GPR157: variants seen among roughly 807,000 people sequenced by gnomAD.
GPR157 encodes G-protein coupled receptor 157.
GPR157 carries 16 observed loss-of-function variants against 23.5 expected under a neutral mutation model. The observed-to-expected ratio is 0.68, with a 90% CI of 0.46 to 1.04. The LOEUF (loss-of-function observed/expected upper bound fraction) is 1.04. Ranked by LOEUF, GPR157 falls within the 50% of genes least tolerant of loss-of-function variation. The pLI is 0.00. For missense variants in GPR157, 440 were observed against 460.7 expected (o/e 0.96, Z 0.41); for synonymous variants, 200 against 221.5 (o/e 0.90, Z 0.86).
rs200875977 is a variant in GPR157 at position 9,105,675 on chromosome 1, C to T, written c.603G>A (p.Thr201=). The T allele has an allele frequency of 2.1e-5, 34 of 1,606,948 alleles. No individual in the cohort carries two copies. In the African/African-American group the frequency reaches 2.3e-4, roughly 11 times the overall value. Residue 201 remains threonine, a synonymous_variant, in exon 3 of 4, where the codon ACG becomes ACA. Transcript: ENST00000377411. The surrounding 1 kb of genome is among the most constrained non-coding windows in gnomAD (Gnocchi z 4.8). ...LVRKHINRAH[T]ALSEYRPILS... is the part of the protein sequence containing the mutation. ...GGATGGGCCGGTACTCAGAGAGTGC[C>T]GTGTGCTGTGTGGGGACAGCGAGGG...
intron 2 of GPR157, among the ~76,000 whole-genome samples, chr1:9,110,764 C>T (rs1370679072): frequency 2.6e-5 from 4 of 152,174 alleles, no homozygotes; most frequent in Non-Finnish European, 5.9e-5. Context: ...ATTCTGGAAA[C>T]CCCTGCCATT....
rs1013710343 is a variant in GPR157 at position 9,120,606 on chromosome 1, G to C, written c.383+8039C>G. Among the ~76,000 whole-genome samples, 5 of 152,200 alleles carry C rather than the reference G, an allele frequency of 3.3e-5. No individual in the cohort carries two copies. Among genetic ancestry groups the C allele is most frequent in the Admixed American group, 6.5e-5 (1 of 15,278 alleles). On this transcript the variant is annotated intron_variant, in intron 1 of 3. Transcript: ENST00000377411. The surrounding 1 kb of genome is among the most constrained non-coding windows in gnomAD (Gnocchi z 4.1). Reference sequence around the variant, plus strand: ...GGTCAGGACTTGGGAGAAGTTCAGGGAGTCAGCCCCTAGGCCAGGCTACCA... The same window carrying C: ...GGTCAGGACTTGGGAGAAGTTCAGGCAGTCAGCCCCTAGGCCAGGCTACCA...
chr1:9,108,185 T>C (rs1472717206), intron 2 of GPR157, among the ~76,000 whole-genome samples: 2 of 152,136 alleles, frequency 1.3e-5, no homozygotes, highest in East Asian at 3.8e-4. Context: ...GCACCTGGTG[T>C]CTTGTGGAGT....
At chr1:9,127,365 G>A (rs1569983665) in intron 1 of GPR157, among the ~76,000 whole-genome samples, 1 of 152,238 alleles carries the variant, frequency 6.6e-6, no homozygotes, top group South Asian at 2.1e-4. Context: ...GACAAGAAGG[G>A]AAAGAGAACA....
intron 1 of GPR157, among the ~76,000 whole-genome samples, chr1:9,111,940 C>G (rs1812368): frequency 6.6e-6 from 1 of 151,990 alleles, no homozygotes; most frequent in Admixed American, 6.6e-5. Context: ...ATTGCGTTCC[C>G]GCCTGGGTGA....
intron 1 of GPR157, among the ~76,000 whole-genome samples, chr1:9,113,311 C>G (rs992813287): frequency 6.6e-6 from 1 of 152,202 alleles, no homozygotes; most frequent in Non-Finnish European, 1.5e-5. Flanking sequence ...ACTATGATAA[C>G]TGTGAGATCA....
At chr1:9,117,827 G>T (rs1446531374) in intron 1 of GPR157, among the ~76,000 whole-genome samples, 1 of 152,056 alleles carries the variant, frequency 6.6e-6, no homozygotes, top group Non-Finnish European at 1.5e-5. Context: ...CCACAGTTCT[G>T]ACATGTAACA....
chr1:9,105,432 G>A lies in GPR157; in HGVS notation c.792+54C>T. 6.9e-7 allele frequency: 1 copy of A among 1,458,944 alleles called. No homozygotes were observed. The highest frequency in any genetic ancestry group is 9.2e-7 in the Non-Finnish European group (1 of 1,083,280). 90.4% of individuals were successfully genotyped at this position (1,458,944 alleles called of 1,614,324 possible). On this transcript the variant is annotated intron_variant, in intron 3 of 3. Transcript: ENST00000377411. This position sits in a 1 kb window ranked among gnomAD's most constrained non-coding sequence, Gnocchi z 4.8. ...GCCACTGTGCTGCGGGAAGGAATCA[G>A]GCTGTGCCTCCTCTGGGGGCAGGGA...
chr1:9,115,855 A>G (rs1440306454), intron 1 of GPR157, among the ~76,000 whole-genome samples: 1 of 150,076 alleles, frequency 6.7e-6, no homozygotes, highest in Non-Finnish European at 1.5e-5. Context: ...TTTTAGATAA[A>G]GTTTTATTGC....
intron 1 of GPR157, among the ~76,000 whole-genome samples, chr1:9,124,898 G>C (rs899447744): frequency 6.6e-6 from 1 of 152,082 alleles, no homozygotes; most frequent in Admixed American, 6.5e-5. Flanking sequence ...CCATGTGACC[G>C]TCTCACCTCA....
intron 1 of GPR157, among the ~76,000 whole-genome samples, chr1:9,121,548 G>A (rs1638798536): frequency 6.6e-6 from 1 of 151,908 alleles, no homozygotes; most frequent in Non-Finnish European, 1.5e-5. Context: ...GCTGAGGCAG[G>A]AGAATGGCTT....
At position 9,123,653 on chromosome 1, in the gene GPR157, TATATTAAATATATATTTA is replaced by T. The variant is rs1259536901; in HGVS notation, c.383+4974_383+4991del. 5.5e-4 allele frequency among the ~76,000 whole-genome samples: 63 copies of T among 115,108 alleles called. 1 individual carries two copies. Among genetic ancestry groups the T allele is most frequent in the African/African-American group, 1.7e-3 (50 of 28,620 alleles). 75.5% of individuals were successfully genotyped at this position (115,108 alleles called of 152,430 possible). A position where few individuals can be genotyped will look rare whatever the true frequency, so the allele number is the denominator to read the frequency against. ...TTTAAATATACATTAATATTAAATA[TATATTAAATATATATTTA>T]ATATTAAATATATATTTAATATATA... On this transcript the variant is annotated intron_variant, in intron 1 of 3. Transcript: ENST00000377411.
In GPR157 at chr1:9,104,420, C is replaced by G. The variant is rs1642609096; in HGVS notation, c.1007G>C (p.Ter336SerextTer58). Residue 336 changes from the stop codon to serine, a stop_lost, in exon 4 of 4, where the codon TGA (stop) becomes TCA (serine). Coordinates refer to ENST00000377411, the MANE Select transcript of GPR157 (RefSeq NM_024980.5). ...QGTPGELPST[*>S] ...CACAGAACTAGAAAGGACAAAAGCTCAGGTGCTTGGAAGTTCCCCTGGGGT... is the reference window on the plus strand; with the variant it reads ...CACAGAACTAGAAAGGACAAAAGCTGAGGTGCTTGGAAGTTCCCCTGGGGT... 1 of 1,613,024 alleles carries G rather than the reference C, an allele frequency of 6.2e-7. No individual in the cohort carries two copies. Among genetic ancestry groups the G allele is most frequent in the Admixed American group, 1.7e-5 (1 of 59,996 alleles).
At chr1:9,126,125 T>G (rs1366710849) in intron 1 of GPR157, among the ~76,000 whole-genome samples, 1 of 152,114 alleles carries the variant, frequency 6.6e-6, no homozygotes, top group East Asian at 1.9e-4. Context: ...ACCCAGCTAA[T>G]TTTTGTAATT....
chr1:9,104,478 A>C lies in GPR157; in HGVS notation c.949T>G (p.Ser317Ala). 6.2e-7 allele frequency: 1 copy of C among 1,613,536 alleles called. No individual in the cohort carries two copies. Among genetic ancestry groups the C allele is most frequent in the East Asian group, 2.2e-5 (1 of 44,838 alleles). The change falls in exon 4 of 4, where the codon TCC (serine) becomes GCC (alanine). Residue 317 changes from serine (S) to alanine (A), a missense_variant. Coordinates refer to ENST00000377411, the MANE Select transcript of GPR157 (RefSeq NM_024980.5). ...PAGTPKAPAPSKPGESQESQG... is the reference protein window; with the variant it reads ...PAGTPKAPAPAKPGESQESQG... ...GATTCCTGAGATTCTCCTGGCTTGGAAGGCGCGGGAGCCTTGGGAGTGCCA... is the reference window on the plus strand; with the variant it reads ...GATTCCTGAGATTCTCCTGGCTTGGCAGGCGCGGGAGCCTTGGGAGTGCCA...
rs572301236 is a variant in GPR157, at chr1:9,105,282, C to T, written c.792+204G>A. On this transcript the variant is annotated intron_variant, in intron 3 of 3. Transcript: ENST00000377411. The surrounding 1 kb of genome is among the most constrained non-coding windows in gnomAD (Gnocchi z 4.8). ...AGGTCACTGGTGAGCACCTCACCAC[C>T]CCGGACCACACTGATCCCACTCTGC... 4.1e-4 allele frequency among the ~76,000 whole-genome samples: 62 copies of T among 152,236 alleles called. No homozygotes were observed. Among genetic ancestry groups the T allele is most frequent in the African/African-American group, 1.5e-3 (62 of 41,544 alleles).
rs369233870 is a variant in GPR157 at position 9,123,299 on chromosome 1, TTTA to T, written c.383+5343_383+5345del. On this transcript the variant is annotated intron_variant, in intron 1 of 3. Transcript: ENST00000377411. ...AAATATATATTTAAATTAATATATA[TTTA>T]ATTTAAATATATATTAAAATATATA... is the stretch of plus-strand genomic sequence containing the variant. Among the ~76,000 whole-genome samples, 17 of 45,802 alleles carry T rather than the reference TTTA, an allele frequency of 3.7e-4. 1 individual carries two copies. The highest frequency in any genetic ancestry group is 3.2e-4 in the Admixed American group (1 of 3,104). 30.0% of individuals were successfully genotyped at this position (45,802 alleles called of 152,430 possible).
chr1:9,116,281 A>ATAATTTATATATATTATATATAATAT (rs373818819), intron 1 of GPR157, among the ~76,000 whole-genome samples: 6 of 3,112 alleles, frequency 1.9e-3, no homozygotes, highest in African/African-American at 2.8e-3. Context: ...AATTATATAT[A>ATAATTTATATATATTATATATAATAT]AATTATATAT....
chr1:9,123,254 A>ATT lies in GPR157; in HGVS notation c.383+5390_383+5391insAA, dbSNP rs1638848800. ...TTTAAATATATATTAATTTAAATAT[A>ATT]TATTTAAATATATATATTTAAATAT... is the stretch of plus-strand genomic sequence containing the variant. On this transcript the variant is annotated intron_variant, in intron 1 of 3. Coordinates refer to ENST00000377411, the MANE Select transcript of GPR157 (RefSeq NM_024980.5). Among the ~76,000 whole-genome samples, 5 of 26,962 alleles carry ATT rather than the reference A, an allele frequency of 1.9e-4. 1 individual carries two copies. Among genetic ancestry groups the ATT allele is most frequent in the African/African-American group, 9.4e-4 (5 of 5,336 alleles). 17.7% of individuals were successfully genotyped at this position (26,962 alleles called of 152,430 possible).
Sources: gnomAD v4.1 joint callset for allele counts (sites outside exome capture counted in the v4.1 genomes callset) on GRCh38, gnomAD v4.1.1 for gene constraint, Gnocchi (gnomAD v3.1) non-coding constraint, MANE v1.5 for transcripts, NCBI Gene and HGNC (gene_info 2026-07-23, HGNC 2026-07-21) for gene names.